Variants in TBC1D14 observed in about 807,000 individuals in gnomAD.
TBC1D14 encodes TBC1 domain family member 14.
A neutral mutation model predicts 79.0 loss-of-function variants in TBC1D14; 26 were observed. The ratio of observed to expected loss-of-function variants is 0.33; its 90% CI spans 0.24 to 0.46. The LOEUF is 0.46. Among genes scored for constraint, TBC1D14 ranks in the 20% least tolerant of loss-of-function variants. The pLI is 1.00. For synonymous variants in TBC1D14, 394 were observed against 349.9 expected (o/e 1.13, Z -1.40); for missense variants, 769 against 887.6 (o/e 0.87, Z 1.70).
In TBC1D14 at chr4:7,030,653, G is replaced by A. The variant is rs888748962; in HGVS notation, c.*261G>A. ...GCATCTGCTGCACAGTTGAACGATG[G>A]GCAGTGGCTCACCCCCACTCCTTTA... On this transcript the variant is annotated 3_prime_UTR_variant, in exon 14 of 14. Transcript: ENST00000409757. 2.4e-5 allele frequency: 9 copies of A among 382,874 alleles called. No homozygotes were observed. The highest frequency in any genetic ancestry group is 7.8e-4 in the Middle Eastern group (1 of 1,290). The allele number at this position is 382,874 out of a possible 1,614,324, so 23.7% of individuals were successfully genotyped here.
At chr4:6,958,376 T>TACACACATACAC (rs1553859858) in intron 2 of TBC1D14, among the ~76,000 whole-genome samples, 2 of 149,112 alleles carry the variant, frequency 1.3e-5, no homozygotes, top group Admixed American at 1.3e-4. Context: ...TCCCCACATA[T>TACACACATACAC]ACACACACAC....
chr4:6,968,138 C>T (rs534939161), intron 3 of TBC1D14, among the ~76,000 whole-genome samples: 166 of 152,152 alleles, frequency 1.1e-3, no homozygotes, highest in Non-Finnish European at 1.9e-3. Context: ...TTGCCCCCAG[C>T]ACCCTCGCTC....
intron 3 of TBC1D14, among the ~76,000 whole-genome samples, chr4:6,979,517 A>G (rs532888753): frequency 6.6e-6 from 1 of 152,282 alleles, no homozygotes; most frequent in African/African-American, 2.4e-5. Context: ...GCTGGTCAAG[A>G]GACTGAGGCA....
At chr4:7,015,802 T>TA (rs1479236083) in intron 12 of TBC1D14, among the ~76,000 whole-genome samples, 1 of 152,150 alleles carries the variant, frequency 6.6e-6, no homozygotes, top group East Asian at 1.9e-4. Flanking sequence ...CCCAGTTCCT[T>TA]ATCTGGAGGC....
chr4:6,939,903 C>T (rs970555412), intron 2 of TBC1D14, among the ~76,000 whole-genome samples: 3 of 152,192 alleles, frequency 2.0e-5, no homozygotes, highest in South Asian at 2.1e-4. Context: ...ACAGTGGAGA[C>T]GAAGGCCCTG....
intron 2 of TBC1D14, among the ~76,000 whole-genome samples, chr4:6,935,178 A>G (rs1712186491): frequency 6.6e-6 from 1 of 152,138 alleles, no homozygotes; most frequent in Non-Finnish European, 1.5e-5. Flanking sequence ...TGGCTTTGCT[A>G]CAGAGTGGAG....
At chr4:6,988,070 G>C (rs908176697) in intron 3 of TBC1D14, among the ~76,000 whole-genome samples, 2 of 152,192 alleles carry the variant, frequency 1.3e-5, no homozygotes, top group Non-Finnish European at 1.5e-5. Flanking sequence ...AGCCGGGGCT[G>C]CCTTTTGGAA....
intron 2 of TBC1D14, among the ~76,000 whole-genome samples, chr4:6,947,647 G>C (rs185060434): frequency 9.2e-5 from 13 of 140,672 alleles, no homozygotes; most frequent in South Asian, 5.1e-4. Context: ...GGGCAGCAGA[G>C]TGAGATTCCG....
At chr4:6,911,693 A>T (rs1723007015) in intron 1 of TBC1D14, among the ~76,000 whole-genome samples, 1 of 152,050 alleles carries the variant, frequency 6.6e-6, no homozygotes, top group African/African-American at 2.4e-5. Context: ...CTCTGGGTTG[A>T]TTGCTTAGCT....
Position 6,935,539 on chromosome 4 carries a change from A to G in TBC1D14, c.722+11428A>G, listed in dbSNP as rs575959444. Among the ~76,000 whole-genome samples the G allele has an allele frequency of 4.0e-5, 6 of 150,718 alleles. No individual in the cohort carries two copies. In the East Asian group the frequency reaches 5.9e-4, roughly 15 times the overall value. On this transcript the variant is annotated intron_variant, in intron 2 of 13. Transcript: ENST00000409757. The stretch of plus-strand genomic sequence containing the variant: ...GTGCTCTCTCCCTCTCCTTCCCTCT[A>G]TCTCTCCCTTTTCCTCTTCCTCCTC...
At chr4:6,968,855 C>A (rs916277024) in intron 3 of TBC1D14, among the ~76,000 whole-genome samples, 4 of 152,202 alleles carry the variant, frequency 2.6e-5, no homozygotes, top group Non-Finnish European at 4.4e-5. Context: ...CCAGCCCAGG[C>A]AAGAGAAAGT....
intron 2 of TBC1D14, among the ~76,000 whole-genome samples, chr4:6,941,121 G>C (rs1184901004): frequency 6.6e-6 from 1 of 150,382 alleles, no homozygotes; most frequent in Non-Finnish European, 1.5e-5. Flanking sequence ...ACCTGGGTTT[G>C]ATGGTCCATT....
chr4:7,003,469 G>A (rs2359194), intron 7 of TBC1D14, among the ~76,000 whole-genome samples: 109,751 of 152,122 alleles, frequency 0.72, 40,239 homozygotes, highest in East Asian at 0.97. Context: ...GGGAGCATGC[G>A]TGCTGAGTTA....
chr4:6,933,453 C>T (rs116065862), intron 2 of TBC1D14, among the ~76,000 whole-genome samples: 2,228 of 151,448 alleles, frequency 0.015, 71 homozygotes, highest in African/African-American at 0.048. Flanking sequence ...CACAGACGTG[C>T]GCCATCACAC....
intron 2 of TBC1D14, among the ~76,000 whole-genome samples, chr4:6,925,238 G>A (rs538336144): frequency 2.0e-5 from 3 of 152,216 alleles, no homozygotes; most frequent in Non-Finnish European, 4.4e-5. Flanking sequence ...CCGCACTCCA[G>A]CCTGGGCGAC....
At chr4:6,959,107 C>G (rs1192831532) in intron 2 of TBC1D14, among the ~76,000 whole-genome samples, 4 of 151,996 alleles carry the variant, frequency 2.6e-5, no homozygotes, top group African/African-American at 4.8e-5. Flanking sequence ...GGATGGTCTG[C>G]ATCTCCTGAC....
chr4:6,952,390 C>G (rs528106557), intron 2 of TBC1D14, among the ~76,000 whole-genome samples: 3 of 152,328 alleles, frequency 2.0e-5, no homozygotes, highest in East Asian at 3.9e-4. Context: ...GCCCCCTCCC[C>G]GAATCAAATG....
chr4:6,953,597 A>T (rs909288660), intron 2 of TBC1D14, among the ~76,000 whole-genome samples: 2 of 134,668 alleles, frequency 1.5e-5, no homozygotes, highest in Non-Finnish European at 3.1e-5. Context: ...GCGCCACTGC[A>T]CTCCAGCCTG....
intron 1 of TBC1D14, among the ~76,000 whole-genome samples, chr4:6,918,419 C>G (rs1346986035): frequency 6.6e-6 from 1 of 152,202 alleles, no homozygotes; most frequent in Non-Finnish European, 1.5e-5. Flanking sequence ...TCGTGTTTTG[C>G]TGTACTAGGA....
Sources: gnomAD v4.1 joint callset for allele counts (sites outside exome capture counted in the v4.1 genomes callset) on GRCh38, gnomAD v4.1.1 for gene constraint, MANE v1.5 for transcripts, NCBI Gene and HGNC (gene_info 2026-07-23, HGNC 2026-07-21) for gene names.